GRIA4: variants seen among roughly 807,000 people sequenced by gnomAD.
GRIA4 encodes the protein glutamate ionotropic receptor AMPA type subunit 4, also known as glutamate receptor 4.
In GRIA4, 34 loss-of-function variants were observed where a neutral mutation model predicts 104.0. That is an observed-to-expected ratio of 0.33 (90% CI 0.25 to 0.44). GRIA4 has a LOEUF of 0.44. GRIA4 is among the 20% of genes least tolerant of loss of function. The pLI, the probability that GRIA4 is intolerant of heterozygous loss-of-function variation, is 1.00. For synonymous variants in GRIA4, 386 were observed against 381.9 expected (o/e 1.01, Z -0.13); for missense variants, 750 against 1,096.5 (o/e 0.68, Z 4.46).
chr11:105,920,171 T>C (rs982889926), intron 11 of GRIA4, among the ~76,000 whole-genome samples: 1 of 151,910 alleles, frequency 6.6e-6, no homozygotes. Flanking sequence ...TTTATATCCA[T>C]AGGAAAGAAT....
intron 3 of GRIA4, among the ~76,000 whole-genome samples, chr11:105,644,300 T>C (rs1951458860): frequency 6.6e-6 from 1 of 152,062 alleles, no homozygotes; most frequent in Non-Finnish European, 1.5e-5. Flanking sequence ...TCTAACACTT[T>C]ATCTTTTTAG....
intron 3 of GRIA4, among the ~76,000 whole-genome samples, chr11:105,682,663 C>T (rs1952748300): frequency 1.3e-5 from 2 of 152,146 alleles, no homozygotes; most frequent in Admixed American, 6.5e-5. Context: ...CAATCATGCT[C>T]AGATTTTTCT....
chr11:105,785,495 AT>A (rs1345061804), intron 4 of GRIA4, among the ~76,000 whole-genome samples: 9 of 152,212 alleles, frequency 5.9e-5, no homozygotes, highest in African/African-American at 2.2e-4. Flanking sequence ...ACCAATGGGC[AT>A]CAATTGTTTC....
rs111278312 is a variant in GRIA4, at chr11:105,849,153, C to G, written c.488-12871C>G. The stretch of plus-strand genomic sequence containing the variant: ...GTTGCAGTGAGCCCAGATTGCGCCA[C>G]TGCATTCCAGCCTAGGAGACAGAGT... On this transcript the variant is annotated intron_variant, in intron 4 of 16. Transcript: ENST00000282499. 5.4e-3 allele frequency among the ~76,000 whole-genome samples: 825 copies of G among 152,274 alleles called. 12 individuals carry two copies. Among genetic ancestry groups the G allele is most frequent in the African/African-American group, 0.019 (773 of 41,556 alleles).
intron 3 of GRIA4, among the ~76,000 whole-genome samples, chr11:105,711,749 T>C (rs1384688098): frequency 1.3e-5 from 2 of 152,172 alleles, no homozygotes; most frequent in African/African-American, 4.8e-5. Flanking sequence ...TTATAAGTAA[T>C]GTTGTGGCTA....
chr11:105,711,558 G>A (rs1953913477), intron 3 of GRIA4, among the ~76,000 whole-genome samples: 1 of 151,932 alleles, frequency 6.6e-6, no homozygotes, highest in Non-Finnish European at 1.5e-5. Flanking sequence ...ACTCTCACCG[G>A]CGAAATAACC....
chr11:105,650,198 G>T (rs183243949), intron 3 of GRIA4, among the ~76,000 whole-genome samples: 1 of 152,262 alleles, frequency 6.6e-6, no homozygotes, highest in Admixed American at 6.5e-5. Flanking sequence ...GAAAATGGCA[G>T]AAATACTTTC....
chr11:105,611,364 A>C (rs368655912), intron 2 of GRIA4, among the ~76,000 whole-genome samples: 1 of 151,994 alleles, frequency 6.6e-6, no homozygotes. Flanking sequence ...AAGTTGGGGG[A>C]AAGTCTTCGG....
At position 105,624,462 on chromosome 11, in the gene GRIA4, A is replaced by G. The variant is rs74950094; in HGVS notation, c.247+12028A>G. On this transcript the variant is annotated intron_variant, in intron 3 of 16. Coordinates refer to ENST00000282499, the MANE Select transcript of GRIA4 (RefSeq NM_000829.4). ...TTGGAACTAGGAAGCTCTTGGAAAGAGAAGGTTAGAGTCAAATGTATAATG... is the reference window on the plus strand; with the variant it reads ...TTGGAACTAGGAAGCTCTTGGAAAGGGAAGGTTAGAGTCAAATGTATAATG... 3.7e-3 allele frequency among the ~76,000 whole-genome samples: 570 copies of G among 152,238 alleles called. 4 individuals are homozygous for G. The highest frequency in any genetic ancestry group is 0.013 in the African/African-American group (530 of 41,552).
chr11:105,701,616 G>A (rs1953496259), intron 3 of GRIA4, among the ~76,000 whole-genome samples: 1 of 152,104 alleles, frequency 6.6e-6, no homozygotes. Flanking sequence ...GTTACTTTCA[G>A]GAGGTGTAAG....
chr11:105,869,295 T>C (rs960004799), intron 5 of GRIA4, among the ~76,000 whole-genome samples: 12 of 152,270 alleles, frequency 7.9e-5, no homozygotes, highest in African/African-American at 2.9e-4. Flanking sequence ...TATGTTTTAG[T>C]TGATGCTGCA....
At chr11:105,834,818 T>C (rs183066741) in intron 4 of GRIA4, among the ~76,000 whole-genome samples, 6 of 151,284 alleles carry the variant, frequency 4.0e-5, no homozygotes, top group South Asian at 2.1e-4. Context: ...CTGCAGCAAG[T>C]TGATGTACTA....
At chr11:105,662,320 C>G (rs1416131869) in intron 3 of GRIA4, among the ~76,000 whole-genome samples, 4 of 151,744 alleles carry the variant, frequency 2.6e-5, no homozygotes, top group African/African-American at 9.7e-5. Context: ...GGAAGTTAAA[C>G]CTAGGTCTGC....
chr11:105,636,910 G>A (rs990056461), intron 3 of GRIA4, among the ~76,000 whole-genome samples: 4 of 152,148 alleles, frequency 2.6e-5, no homozygotes, highest in Non-Finnish European at 4.4e-5. Flanking sequence ...TCAGTCTGAT[G>A]TGTTTGAATT....
At chr11:105,902,263 C>T (rs1224191140) in intron 7 of GRIA4, among the ~76,000 whole-genome samples, 2 of 151,768 alleles carry the variant, frequency 1.3e-5, no homozygotes, top group Admixed American at 1.3e-4. Flanking sequence ...TTTAGTTTTT[C>T]TCTTCCCTGT....
At chr11:105,904,823 A>C (rs546463323) in intron 8 of GRIA4, among the ~76,000 whole-genome samples, 4 of 152,170 alleles carry the variant, frequency 2.6e-5, no homozygotes, top group Non-Finnish European at 5.9e-5. Context: ...ATGATCTGGC[A>C]TAAGTATCAG....
At chr11:105,749,413 G>A (rs571900025) in intron 3 of GRIA4, among the ~76,000 whole-genome samples, 5 of 152,264 alleles carry the variant, frequency 3.3e-5, no homozygotes, top group Admixed American at 3.3e-4. Flanking sequence ...AAAGCAGTTA[G>A]AGGAACTTCT....
intron 5 of GRIA4, among the ~76,000 whole-genome samples, chr11:105,873,609 C>T (rs1343878675): frequency 6.6e-6 from 1 of 152,088 alleles, no homozygotes; most frequent in Non-Finnish European, 1.5e-5. Flanking sequence ...TTAATGATCG[C>T]CATTCTAACT....
chr11:105,796,048 C>T (rs189086089), intron 4 of GRIA4, among the ~76,000 whole-genome samples: 77 of 152,190 alleles, frequency 5.1e-4, no homozygotes, highest in Admixed American at 1.1e-3. Context: ...TCAGTTTTGA[C>T]GTAGTGACTT....
Sources: allele counts gnomAD v4.1 joint callset (sites outside exome capture counted in the v4.1 genomes callset), GRCh38; gene constraint gnomAD v4.1.1; transcripts MANE v1.5; gene names NCBI Gene and HGNC (gene_info 2026-07-23, HGNC 2026-07-21).